Variants in SLC12A7 observed in about 807,000 individuals in gnomAD.
SLC12A7 encodes solute carrier family 12 member 7.
Under a neutral mutation model 120.6 loss-of-function variants are expected in SLC12A7, and 100 were observed. The ratio of observed to expected loss-of-function variants is 0.83; its 90% CI spans 0.71 to 0.98. The LOEUF is 0.98. Ranked by LOEUF, SLC12A7 falls within the 50% of genes least tolerant of loss-of-function variation. SLC12A7 has a pLI of 0.00. For missense variants in SLC12A7, 1,373 were observed against 1,548.1 expected, an observed-to-expected ratio of 0.89 and a Z score of 1.90; for synonymous variants, 760 against 678.0, an observed-to-expected ratio of 1.12 and a Z score of -1.88.
the SLC12A7 span, among the ~76,000 whole-genome samples, chr5:1,137,015 C>T: frequency 6.6e-6 from 1 of 151,250 alleles, no homozygotes; most frequent in Non-Finnish European, 1.5e-5. Flanking sequence ...ACACCAACAG[C>T]AGGACACACA....
chr5:1,090,018 G>A (rs1740316394), intron 3 of SLC12A7, among the ~76,000 whole-genome samples: 1 of 152,274 alleles, frequency 6.6e-6, no homozygotes, highest in South Asian at 2.1e-4. Flanking sequence ...GGAAAAGGGG[G>A]AAGGTTTTAT....
In SLC12A7 at chr5:1,085,269, C is replaced by A. The variant is rs749767828; in HGVS notation, c.880G>T (p.Gly294Cys). ...GGGTCGAAGGCAGACTTGATGACGCCGGCATAGATGGCCAGGATGGACAGC... is the reference window on the plus strand; with the variant it reads ...GGGTCGAAGGCAGACTTGATGACGCAGGCATAGATGGCCAGGATGGACAGC... ...VVLSILAIYAGVIKSAFDPPD... is the reference protein window; with the variant it reads ...VVLSILAIYACVIKSAFDPPD... Residue 294 changes from glycine to cysteine, a missense_variant, in exon 7 of 24, where the codon GGC (glycine) becomes TGC (cysteine). By Grantham distance (159) the Gly-to-Cys change is radical. Transcript: ENST00000264930. The A allele has an allele frequency of 6.2e-7, 1 of 1,612,554 alleles. No individual in the cohort carries two copies. Among genetic ancestry groups the A allele is most frequent in the South Asian group, 1.1e-5 (1 of 91,030 alleles).
chr5:1,091,428 G>A (rs1029943631), intron 3 of SLC12A7, among the ~76,000 whole-genome samples: 5 of 152,186 alleles, frequency 3.3e-5, no homozygotes, highest in Non-Finnish European at 5.9e-5. Flanking sequence ...GCTAAAGCCT[G>A]TTCCCGGAGC....
At chr5:1,064,929 G>A (rs1736834211) in intron 18 of SLC12A7, among the ~76,000 whole-genome samples, 1 of 149,210 alleles carries the variant, frequency 6.7e-6, no homozygotes. Flanking sequence ...AGATGGTGAG[G>A]GGACAGTGAG....
At chr5:1,084,936 G>A (rs533506045) in intron 7 of SLC12A7, among the ~76,000 whole-genome samples, 55 of 152,302 alleles carry the variant, frequency 3.6e-4, no homozygotes, top group Non-Finnish European at 7.1e-4. Flanking sequence ...CACTGCACCT[G>A]ACCGTGCTCA....
At chr5:1,143,925 TG>T in the SLC12A7 span, among the ~76,000 whole-genome samples, 1 of 151,298 alleles carries the variant, frequency 6.6e-6, no homozygotes, top group Admixed American at 6.6e-5. Flanking sequence ...ACCCTGGCGC[TG>T]GGAAACCTGG....
At chr5:1,104,423 G>A (rs1579439687) in intron 1 of SLC12A7, among the ~76,000 whole-genome samples, 1 of 152,222 alleles carries the variant, frequency 6.6e-6, no homozygotes, top group African/African-American at 2.4e-5. Context: ...GGCCAGCGGG[G>A]CTACCCCACC....
chr5:1,104,221 G>C (rs1219269610), intron 1 of SLC12A7, among the ~76,000 whole-genome samples: 1 of 152,240 alleles, frequency 6.6e-6, no homozygotes, highest in African/African-American at 2.4e-5. Flanking sequence ...TGGCGCCAGA[G>C]GTCTGCAGAC....
chr5:1,093,764 C>T, intron 2 of SLC12A7, 109 bp from the exon 3 acceptor site: 1 of 1,500,020 alleles, frequency 6.7e-7, no homozygotes, highest in Non-Finnish European at 9.0e-7. Flanking sequence ...GGTCCTCAGC[C>T]CCTGGGTCTG....
the SLC12A7 span, among the ~76,000 whole-genome samples, chr5:1,150,543 G>A: frequency 2.0e-5 from 3 of 152,234 alleles, no homozygotes; most frequent in African/African-American, 4.8e-5. Flanking sequence ...CATGGAGCTG[G>A]TGTCTCAAAA....
At position 1,076,689 on chromosome 5, in the gene SLC12A7, C is replaced by G; in HGVS notation, c.1748+5G>C. ...TCCCCAGGTCCCCGTCCTGTGGGGG[C>G]TCACATGGAGAGGATCGGGGCCACG... On this transcript the variant is annotated splice_donor_5th_base_variant and intron_variant, in intron 13 of 23. Transcript: ENST00000264930. 1 of 1,605,318 alleles carries G rather than the reference C, an allele frequency of 6.2e-7. No homozygotes were observed. The highest frequency in any genetic ancestry group is 8.5e-7 in the Non-Finnish European group (1 of 1,175,338).
chr5:1,081,005 G>GAGAC (rs1197459231), intron 9 of SLC12A7, among the ~76,000 whole-genome samples: 6 of 63,692 alleles, frequency 9.4e-5, no homozygotes, highest in Non-Finnish European at 1.9e-4. Flanking sequence ...GACAGAGAGA[G>GAGAC]AGACAGACAG....
Position 1,073,636 on chromosome 5 carries a change from C to T in SLC12A7, c.2238G>A (p.Glu746=), listed in dbSNP as rs1224478836. Residue 746 remains glutamate, a synonymous_variant, in exon 17 of 24, where the codon GAG becomes GAA. Transcript: ENST00000264930. ...LDKHMEAQRA[E]ENIRSLMSTE... ...CCCCAGACCCCGCCCGGCCCACCTC[C>T]TCGGCCCGCTGAGCCTCCATGTGCT... The T allele has an allele frequency of 6.2e-7, 1 of 1,602,128 alleles. No homozygotes were observed. Among genetic ancestry groups the T allele is most frequent in the Non-Finnish European group, 8.5e-7 (1 of 1,175,270 alleles).
At chr5:1,054,854 T>C (rs916904880) in intron 22 of SLC12A7, among the ~76,000 whole-genome samples, 15 of 152,226 alleles carry the variant, frequency 9.9e-5, no homozygotes, top group African/African-American at 3.6e-4. Context: ...GGGGTCTCTG[T>C]CCACAGCACA....
intron 17 of SLC12A7, among the ~76,000 whole-genome samples, chr5:1,073,382 G>A (rs890401680): frequency 1.8e-4 from 28 of 152,196 alleles, no homozygotes; most frequent in African/African-American, 4.1e-4. Flanking sequence ...CACCCATGGC[G>A]GGAGGAGGCG....
At chr5:1,106,954 G>C (rs532969221) in intron 1 of SLC12A7, among the ~76,000 whole-genome samples, 1 of 152,182 alleles carries the variant, frequency 6.6e-6, no homozygotes, top group African/African-American at 2.4e-5. Flanking sequence ...TGCTCTGCTC[G>C]CCGGAGGCAA....
chr5:1,078,842 T>TGGGGTGGGG (rs1738669357), intron 10 of SLC12A7, 84 bp from the exon 11 acceptor site: 2 of 17,340 alleles, frequency 1.2e-4, no homozygotes, highest in South Asian at 1.3e-3. Flanking sequence ...GTGGGGTGGG[T>TGGGGTGGGG]GGGGAGATGC....
chr5:1,076,419 C>G (rs1463790685), intron 13 of SLC12A7, among the ~76,000 whole-genome samples, 183 bp from the exon 14 acceptor site: 2 of 152,346 alleles, frequency 1.3e-5, no homozygotes, highest in East Asian at 3.9e-4. Context: ...TTCCAGCCAT[C>G]CTGTGACCAC....
the SLC12A7 span, among the ~76,000 whole-genome samples, chr5:1,135,492 C>T: frequency 6.6e-6 from 1 of 152,204 alleles, no homozygotes; most frequent in Non-Finnish European, 1.5e-5. Context: ...GGCCCTCGTC[C>T]CCAGCCCTGC....
Sources: gnomAD v4.1 joint callset for allele counts (sites outside exome capture counted in the v4.1 genomes callset) on GRCh38, gnomAD v4.1.1 for gene constraint, MANE v1.5 for transcripts, NCBI Gene and HGNC (gene_info 2026-07-23, HGNC 2026-07-21) for gene names.